The following ZCCHC7 variants were observed in gnomAD, a reference collection of about 807,000 sequenced individuals.
ZCCHC7 encodes the protein zinc finger CCHC-type containing 7.
ZCCHC7 carries 35 observed loss-of-function variants against 52.0 expected under a neutral mutation model. The ratio of observed to expected loss-of-function variants is 0.67; its 90% CI spans 0.51 to 0.89. The LOEUF (loss-of-function observed/expected upper bound fraction) is 0.89, where lower values mean the gene tolerates loss of function less well. ZCCHC7 is among the 40% of genes least tolerant of loss of function. The probability of loss-of-function intolerance (pLI) is 0.00; values close to 1 mark genes in which losing one functional copy is unlikely to be tolerated. For synonymous variants in ZCCHC7, 217 were observed against 221.5 expected (o/e 0.98, Z 0.18); for missense variants, 574 against 649.1 (o/e 0.88, Z 1.26).
chr9:37,152,893 G>C (rs1820608707), intron 2 of ZCCHC7, among the ~76,000 whole-genome samples: 1 of 152,060 alleles, frequency 6.6e-6, no homozygotes, highest in Non-Finnish European at 1.5e-5. Context: ...CCTTCTTGAG[G>C]GTGAAATATC....
At chr9:37,206,783 T>G (rs1351243681) in intron 2 of ZCCHC7, among the ~76,000 whole-genome samples, 1 of 152,142 alleles carries the variant, frequency 6.6e-6, no homozygotes, top group African/African-American at 2.4e-5. Context: ...ACCTCCTCCC[T>G]TACAAGGTGG....
intron 2 of ZCCHC7, among the ~76,000 whole-genome samples, chr9:37,206,812 G>GT (rs1419475468): frequency 3.3e-5 from 5 of 152,254 alleles, no homozygotes; most frequent in Non-Finnish European, 5.9e-5. Flanking sequence ...CCTTCTCAAT[G>GT]TAAGATTCAA....
chr9:37,249,882 A>G (rs1826243800), intron 2 of ZCCHC7, among the ~76,000 whole-genome samples: 2 of 152,226 alleles, frequency 1.3e-5, no homozygotes, highest in African/African-American at 2.4e-5. Flanking sequence ...TGTGTAGAGT[A>G]TGGTCCTTCT....
At chr9:37,252,371 A>G (rs1348551421) in intron 2 of ZCCHC7, among the ~76,000 whole-genome samples, 2 of 152,218 alleles carry the variant, frequency 1.3e-5, no homozygotes, top group Non-Finnish European at 2.9e-5. Context: ...AAGTAAAAAT[A>G]TGCATCCCAA....
intron 2 of ZCCHC7, among the ~76,000 whole-genome samples, chr9:37,261,310 T>C (rs573488854): frequency 4.6e-5 from 7 of 152,136 alleles, no homozygotes; most frequent in Non-Finnish European, 1.0e-4. Context: ...AAACAAGCAA[T>C]GTATATGAAA....
chr9:37,179,189 G>GATTT (rs1371411295), intron 2 of ZCCHC7, among the ~76,000 whole-genome samples: 2 of 152,038 alleles, frequency 1.3e-5, no homozygotes, highest in South Asian at 2.1e-4. Context: ...ACTTTAAAAT[G>GATTT]ATTTATTTAT....
rs547951535 is a variant in ZCCHC7 at position 37,298,215 on chromosome 9, A to T, written c.611-3973A>T. Reference sequence around the variant, plus strand: ...TATGCAGTAATTGTCTGTATGTGTAATAAAGATAGCAGAATAGTTCCACAA... The same window carrying T: ...TATGCAGTAATTGTCTGTATGTGTATTAAAGATAGCAGAATAGTTCCACAA... On this transcript the variant is annotated intron_variant, in intron 2 of 8. Transcript: ENST00000336755. Among the ~76,000 whole-genome samples, 4 of 152,342 alleles carry T rather than the reference A, an allele frequency of 2.6e-5. No homozygotes were observed. In the South Asian group the frequency reaches 8.3e-4, roughly 32 times the overall value.
intron 2 of ZCCHC7, among the ~76,000 whole-genome samples, chr9:37,264,033 G>A (rs986228355): frequency 2.6e-5 from 4 of 152,118 alleles, no homozygotes; most frequent in Non-Finnish European, 4.4e-5. Context: ...TTTGATATAT[G>A]CATTACATTT....
At chr9:37,179,062 TC>T (rs1318199953) in intron 2 of ZCCHC7, among the ~76,000 whole-genome samples, 4 of 152,232 alleles carry the variant, frequency 2.6e-5, no homozygotes, top group Non-Finnish European at 4.4e-5. Flanking sequence ...TTGCATCTTT[TC>T]CGTAGTATCT....
chr9:37,128,077 T>G (rs745767105), intron 2 of ZCCHC7, among the ~76,000 whole-genome samples: 1 of 152,106 alleles, frequency 6.6e-6, no homozygotes, highest in South Asian at 2.1e-4. Context: ...CGCGTAAAGT[T>G]TTTTCCATAT....
chr9:37,235,518 T>C (rs1470224522), intron 2 of ZCCHC7, among the ~76,000 whole-genome samples: 8 of 79,372 alleles, frequency 1.0e-4, no homozygotes, highest in South Asian at 1.5e-3. Context: ...CCTTCCCCTC[T>C]CCCCTCCCTT....
chr9:37,169,441 T>A (rs1330133066), intron 2 of ZCCHC7, among the ~76,000 whole-genome samples: 1 of 152,144 alleles, frequency 6.6e-6, no homozygotes, highest in Non-Finnish European at 1.5e-5. Context: ...GAAGACTTTG[T>A]GAGATTTTTT....
chr9:37,267,067 A>G (rs1388117042), intron 2 of ZCCHC7, among the ~76,000 whole-genome samples: 1 of 152,186 alleles, frequency 6.6e-6, no homozygotes, highest in Non-Finnish European at 1.5e-5. Context: ...TGCCTGTACA[A>G]TTAATTTATC....
intron 1 of ZCCHC7, among the ~76,000 whole-genome samples, chr9:37,121,119 G>T (rs1420031462): frequency 6.6e-6 from 1 of 152,178 alleles, no homozygotes; most frequent in African/African-American, 2.4e-5. Context: ...AAAACGAGTA[G>T]ACTTGGACTG....
At chr9:37,208,104 T>A (rs1442097871) in intron 2 of ZCCHC7, among the ~76,000 whole-genome samples, 1 of 152,148 alleles carries the variant, frequency 6.6e-6, no homozygotes, top group African/African-American at 2.4e-5. Context: ...TTTTGTTTGT[T>A]TGTTTTCAGA....
chr9:37,198,695 G>C (rs541595919), intron 2 of ZCCHC7, among the ~76,000 whole-genome samples: 2 of 152,290 alleles, frequency 1.3e-5, no homozygotes, highest in African/African-American at 2.4e-5. Flanking sequence ...TAATGATAGA[G>C]CTTGCTCCCT....
At chr9:37,325,285 A>G (rs1396352969) in intron 5 of ZCCHC7, among the ~76,000 whole-genome samples, 3 of 152,240 alleles carry the variant, frequency 2.0e-5, no homozygotes, top group African/African-American at 7.2e-5. Flanking sequence ...GTTGCCATCC[A>G]TCTAAGTACC....
chr9:37,298,924 C>G (rs1828911181), intron 2 of ZCCHC7, among the ~76,000 whole-genome samples: 1 of 152,142 alleles, frequency 6.6e-6, no homozygotes, highest in Non-Finnish European at 1.5e-5. Flanking sequence ...GTCACCTTGT[C>G]CTCTACTAAG....
intron 2 of ZCCHC7, among the ~76,000 whole-genome samples, chr9:37,178,359 C>A (rs1427874720): frequency 6.7e-6 from 1 of 149,196 alleles, no homozygotes; most frequent in Non-Finnish European, 1.5e-5. Flanking sequence ...GTACCCCCAC[C>A]TCCCCTCTCA....
Sources: allele counts gnomAD v4.1 joint callset (sites outside exome capture counted in the v4.1 genomes callset), GRCh38; gene constraint gnomAD v4.1.1; transcripts MANE v1.5; gene names NCBI Gene and HGNC (gene_info 2026-07-23, HGNC 2026-07-21).